Variants in ITGA11 observed in about 807,000 individuals in gnomAD.
The protein encoded by ITGA11 is integrin subunit alpha 11.
In ITGA11, 97 loss-of-function variants were observed where a neutral mutation model predicts 141.9. The ratio of observed to expected loss-of-function variants is 0.68; its 90% CI spans 0.58 to 0.81. The LOEUF is 0.81. Among genes scored for constraint, ITGA11 ranks in the 30% least tolerant of loss-of-function variants. The pLI is 0.00. For synonymous variants in ITGA11, 658 were observed against 624.6 expected, an observed-to-expected ratio of 1.05 and a Z score of -0.80; for missense variants, 1,387 against 1,559.2, an observed-to-expected ratio of 0.89 and a Z score of 1.86.
rs1893060927 is a variant in ITGA11 at position 68,302,351 on chromosome 15, T to TG, written c.*707dup. The TG allele has an allele frequency of 6.6e-6, 1 of 152,356 alleles. No individual in the cohort carries two copies. Among genetic ancestry groups the TG allele is most frequent in the African/African-American group, 2.4e-5 (1 of 41,426 alleles). The allele number at this position is 152,356 out of a possible 1,614,324, so 9.4% of individuals were successfully genotyped here. A position where few individuals can be genotyped will look rare whatever the true frequency, so the allele number is the denominator to read the frequency against. On this transcript the variant is annotated 3_prime_UTR_variant, in exon 30 of 30. Transcript: ENST00000315757. ...GCAGCTGGTGGGGGAATGTGTGAGT[T>TG]GCGGTCAATGTGAATGCACGTGGGT... is the stretch of plus-strand genomic sequence containing the variant.
chr15:68,428,560 C>T (rs1358834380), intron 1 of ITGA11, among the ~76,000 whole-genome samples: 1 of 152,138 alleles, frequency 6.6e-6, no homozygotes, highest in Non-Finnish European at 1.5e-5. Flanking sequence ...CCAGAAGCTC[C>T]TCAGCTAATG....
At position 68,432,105 on chromosome 15, in the gene ITGA11, GGCGGGGGGCGGCAAGCCAGAGCGGCA is replaced by G; in HGVS notation, c.-65_-40del. The G allele has an allele frequency of 7.4e-7, 1 of 1,346,238 alleles. No individual in the cohort carries two copies. The highest frequency in any genetic ancestry group is 9.5e-7 in the Non-Finnish European group (1 of 1,049,338). The allele number at this position is 1,346,238 out of a possible 1,614,324, so 83.4% of individuals were successfully genotyped here. On this transcript the variant is annotated 5_prime_UTR_variant, in exon 1 of 30. Coordinates refer to ENST00000315757, the MANE Select transcript of ITGA11 (RefSeq NM_001004439.2). ...GCGGCTGGGTCCGGTGTGCAGCGGC[GGCGGGGGGCGGCAAGCCAGAGCGGCA>G]GCCTCCTCGGCGCGGCGCCTGCAGC...
Position 68,325,079 on chromosome 15 carries a change from G to A in ITGA11, c.2322+52C>T, listed in dbSNP as rs1470756242. The A allele has an allele frequency of 5.4e-6, 7 of 1,302,798 alleles. No individual in the cohort carries two copies. In the African/African-American group the frequency reaches 7.3e-5, roughly 13 times the overall value. 80.7% of individuals were successfully genotyped at this position (1,302,798 alleles called of 1,614,324 possible). ...GGCTCTGGGCTTTGGGGTTGAGGTG[G>A]AGGTGGGGGTGGGGTTCATGCCCGA... On this transcript the variant is annotated intron_variant, in intron 18 of 29. Coordinates refer to ENST00000315757, the MANE Select transcript of ITGA11 (RefSeq NM_001004439.2). The surrounding 1 kb of genome is among the most constrained non-coding windows in gnomAD (Gnocchi z 5.5).
rs1195421441 is a variant in ITGA11 at position 68,300,923 on chromosome 15, T to C, written c.*2136A>G. On this transcript the variant is annotated 3_prime_UTR_variant, in exon 30 of 30. Transcript: ENST00000315757. ...AAGAGCATTCTCAGATCTGATGATA[T>C]TTGATGGACGACTTGGTGCTAAGTC... The C allele has an allele frequency of 1.3e-5, 2 of 152,318 alleles. No homozygotes were observed. The highest frequency in any genetic ancestry group is 1.5e-5 in the Non-Finnish European group (1 of 68,024). The allele number at this position is 152,318 out of a possible 1,614,324, so 9.4% of individuals were successfully genotyped here. A position where few individuals can be genotyped will look rare whatever the true frequency, so the allele number is the denominator to read the frequency against.
chr15:68,424,385 G>GT (rs200216290), intron 1 of ITGA11, among the ~76,000 whole-genome samples: 11 of 151,748 alleles, frequency 7.2e-5, no homozygotes, highest in Non-Finnish European at 1.3e-4. Flanking sequence ...AGAGTGTTTG[G>GT]TTTTTTTTGC....
chr15:68,356,248 G>A (rs556922471), intron 7 of ITGA11, among the ~76,000 whole-genome samples: 40 of 151,428 alleles, frequency 2.6e-4, no homozygotes, highest in African/African-American at 7.8e-4. Context: ...AGCGCATGCC[G>A]CCATGCCCGG....
At chr15:68,359,375 A>G (rs72743266) in intron 5 of ITGA11, among the ~76,000 whole-genome samples, 11,796 of 152,242 alleles carry the variant, frequency 0.077, 998 homozygotes, top group African/African-American at 0.21. Flanking sequence ...GCTGGGAGTC[A>G]TGGCTCACAC....
intron 2 of ITGA11, among the ~76,000 whole-genome samples, chr15:68,389,821 T>C (rs1219741164): frequency 2.0e-5 from 3 of 152,108 alleles, no homozygotes; most frequent in African/African-American, 7.2e-5. Context: ...GGGTGAGAGC[T>C]TCAGTGAAAA....
At chr15:68,380,847 T>C (rs1439871490) in intron 2 of ITGA11, among the ~76,000 whole-genome samples, 1 of 152,190 alleles carries the variant, frequency 6.6e-6, no homozygotes, top group Non-Finnish European at 1.5e-5. Flanking sequence ...CCCTTCTGAC[T>C]TTCCAAGTCC....
intron 10 of ITGA11, among the ~76,000 whole-genome samples, chr15:68,342,277 G>A (rs1438500429): frequency 6.6e-6 from 1 of 152,210 alleles, no homozygotes; most frequent in Non-Finnish European, 1.5e-5. Flanking sequence ...CCTCGCACTG[G>A]CTTCCTGTTT....
Position 68,320,385 on chromosome 15 carries a change from A to C in ITGA11, c.2416T>G (p.Cys806Gly). Residue 806 changes from cysteine (C) to glycine (G), a missense_variant, in exon 20 of 30, where the codon TGC becomes GGC. Physicochemically the swap from Cys to Gly is radical, Grantham distance 159 (BLOSUM62 -3). Coordinates refer to ENST00000315757, the MANE Select transcript of ITGA11 (RefSeq NM_001004439.2). ...RSDLPTAMEY[C>G]QRVLRKPAQD... is the part of the protein sequence containing the mutation. ...GCAGGCTTCCTCAGCACCCTCTGGC[A>C]GTACTCCCTGAGAACAAGAGACCAC... 6.3e-7 allele frequency: 1 copy of C among 1,587,488 alleles called. No individual in the cohort carries two copies. The highest frequency in any genetic ancestry group is 8.6e-7 in the Non-Finnish European group (1 of 1,166,860).
chr15:68,309,125 T>C (rs1893296433), intron 26 of ITGA11, among the ~76,000 whole-genome samples: 1 of 152,272 alleles, frequency 6.6e-6, no homozygotes, highest in Non-Finnish European at 1.5e-5. Context: ...GCTTTGCCAG[T>C]ACCATCCTGA....
chr15:68,432,116 G>A lies in ITGA11; in HGVS notation c.-50C>T. The A allele has an allele frequency of 2.3e-6, 3 of 1,310,480 alleles. No individual in the cohort carries two copies. Among genetic ancestry groups the A allele is most frequent in the Non-Finnish European group, 2.0e-6 (2 of 1,021,782 alleles). 81.2% of individuals were successfully genotyped at this position (1,310,480 alleles called of 1,614,324 possible). On this transcript the variant is annotated 5_prime_UTR_variant, in exon 1 of 30. Coordinates refer to ENST00000315757, the MANE Select transcript of ITGA11 (RefSeq NM_001004439.2). ...CGGTGTGCAGCGGCGGCGGGGGGCG[G>A]CAAGCCAGAGCGGCAGCCTCCTCGG...
intron 1 of ITGA11, among the ~76,000 whole-genome samples, chr15:68,421,546 C>A (rs1313592958): frequency 1.3e-5 from 2 of 152,124 alleles, no homozygotes. Flanking sequence ...TGCAAGGAGG[C>A]CAGTGAGGGG....
Position 68,307,310 on chromosome 15 carries a change from G to C in ITGA11, c.3381+38C>G, listed in dbSNP as rs764219767. ...CGGCCAACCCTTTCCCAAGCTGTCCGGCCTAAGCCCAGTTCTGCAGGGCTC... is the reference window on the plus strand; with the variant it reads ...CGGCCAACCCTTTCCCAAGCTGTCCCGCCTAAGCCCAGTTCTGCAGGGCTC... On this transcript the variant is annotated intron_variant, in intron 28 of 29. Coordinates refer to ENST00000315757, the MANE Select transcript of ITGA11 (RefSeq NM_001004439.2). This position sits in a 1 kb window ranked among gnomAD's most constrained non-coding sequence, Gnocchi z 6.1. 1.4e-6 allele frequency: 2 copies of C among 1,441,026 alleles called. No homozygotes were observed. Among genetic ancestry groups the C allele is most frequent in the Middle Eastern group, 1.9e-4 (1 of 5,140 alleles). The allele number at this position is 1,441,026 out of a possible 1,614,324, so 89.3% of individuals were successfully genotyped here.
Position 68,328,358 on chromosome 15 carries a change from C to A in ITGA11, c.1902-96G>T. The stretch of plus-strand genomic sequence containing the variant: ...GACAAGAACCAGATGCGAGTGGGAT[C>A]TGCAAAGCCACTGGAGGGGGTGAGG... On this transcript the variant is annotated intron_variant, in intron 15 of 29. Transcript: ENST00000315757. The surrounding 1 kb of genome is among the most constrained non-coding windows in gnomAD (Gnocchi z 4.8). 1 of 1,117,394 alleles carries A rather than the reference C, an allele frequency of 8.9e-7. No homozygotes were observed. Among genetic ancestry groups the A allele is most frequent in the Non-Finnish European group, 1.3e-6 (1 of 783,992 alleles). 69.2% of individuals were successfully genotyped at this position (1,117,394 alleles called of 1,614,324 possible). A position where few individuals can be genotyped will look rare whatever the true frequency, so the allele number is the denominator to read the frequency against.
chr15:68,332,489 T>C lies in ITGA11; in HGVS notation c.1426-11A>G. The stretch of plus-strand genomic sequence containing the variant: ...AAAGTAAGAGCCTATCTGCGGCACG[T>C]GATGGGAGAGAGGAGTGGGCTGGCT... On this transcript the variant is annotated splice_polypyrimidine_tract_variant and intron_variant, in intron 12 of 29. Transcript: ENST00000315757. 3 of 1,611,352 alleles carry C rather than the reference T, an allele frequency of 1.9e-6. No individual in the cohort carries two copies. Among genetic ancestry groups the C allele is most frequent in the Non-Finnish European group, 2.5e-6 (3 of 1,178,804 alleles).
At chr15:68,332,512 G>A in intron 12 of ITGA11, 34 bp from the exon 13 acceptor site, 1 of 1,603,828 alleles carries the variant, frequency 6.2e-7, no homozygotes, top group Non-Finnish European at 8.5e-7. Flanking sequence ...GAGTGGGCTG[G>A]CTGCCCAGCT....
In ITGA11 at chr15:68,400,730, ATAT is replaced by A. The variant is rs1270262044; in HGVS notation, c.164+2185_164+2187del. ...ATAAATATTATATATTATATAATAAATATTATATATTATATAATAAATATTATA... is the reference window on the plus strand; with the variant it reads ...ATAAATATTATATATTATATAATAAATATATATTATATAATAAATATTATA... On this transcript the variant is annotated intron_variant, in intron 2 of 29. Coordinates refer to ENST00000315757, the MANE Select transcript of ITGA11 (RefSeq NM_001004439.2). Among the ~76,000 whole-genome samples the A allele has an allele frequency of 1.3e-4, 3 of 23,792 alleles. 1 individual carries two copies. The highest frequency in any genetic ancestry group is 1.8e-4 in the Non-Finnish European group (3 of 16,426). The allele number at this position is 23,792 out of a possible 152,430, so 15.6% of individuals were successfully genotyped here.
Sources: gnomAD v4.1 joint callset for allele counts (sites outside exome capture counted in the v4.1 genomes callset) on GRCh38, gnomAD v4.1.1 for gene constraint, Gnocchi (gnomAD v3.1) non-coding constraint, MANE v1.5 for transcripts, NCBI Gene and HGNC (gene_info 2026-07-23, HGNC 2026-07-21) for gene names.